The following DNAH10 variants were observed in gnomAD, a reference collection of about 807,000 sequenced individuals.
DNAH10 encodes the protein axonemal beta dynein heavy chain 10.
Under a neutral mutation model 506.6 loss-of-function variants are expected in DNAH10, and 348 were observed. That is an observed-to-expected ratio of 0.69 (90% CI 0.63 to 0.75). The LOEUF (loss-of-function observed/expected upper bound fraction) is 0.75, where lower values mean the gene tolerates loss of function less well. Ranked by LOEUF, DNAH10 falls within the 30% of genes least tolerant of loss-of-function variation. The probability of loss-of-function intolerance (pLI) is 0.00; values close to 1 mark genes in which losing one functional copy is unlikely to be tolerated. For synonymous variants in DNAH10, 2,059 were observed against 2,198.6 expected, an observed-to-expected ratio of 0.94 and a Z score of 1.78; for missense variants, 5,179 against 5,787.1, an observed-to-expected ratio of 0.89 and a Z score of 3.41.
Position 123,884,636 on chromosome 12 carries a change from T to A in DNAH10, c.8824-2506T>A, listed in dbSNP as rs144408480. Among the ~76,000 whole-genome samples the A allele has an allele frequency of 1.8e-4, 27 of 152,246 alleles. No homozygotes were observed. The East Asian group carries it at 5.0e-3, about 28-fold the overall frequency. On this transcript the variant is annotated intron_variant, in intron 51 of 78. Coordinates refer to ENST00000673944, the MANE Select transcript of DNAH10 (RefSeq NM_001372106.1). ...GCTCCACCCTCATCACCTAATCACCTCCTAAAAGCCCAACCTCCAAATACC... is the reference window on the plus strand; with the variant it reads ...GCTCCACCCTCATCACCTAATCACCACCTAAAAGCCCAACCTCCAAATACC...
In DNAH10 at chr12:123,794,118, T is replaced by G; in HGVS notation, c.1986+6T>G. On this transcript the variant is annotated splice_donor_region_variant and intron_variant, in intron 12 of 78. Coordinates refer to ENST00000673944, the MANE Select transcript of DNAH10 (RefSeq NM_001372106.1). ...TTGCACAGTACTGTAAAGAGGTAAT[T>G]GAAAAATCGATAGCTGCCATAGCAT... The G allele has an allele frequency of 8.5e-7, 1 of 1,179,434 alleles. No homozygotes were observed. The highest frequency in any genetic ancestry group is 1.6e-5 in the South Asian group (1 of 62,314). The allele number at this position is 1,179,434 out of a possible 1,614,324, so 73.1% of individuals were successfully genotyped here.
At chr12:123,814,654 G>A (rs890201577) in intron 21 of DNAH10, among the ~76,000 whole-genome samples, 40 of 133,402 alleles carry the variant, frequency 3.0e-4, no homozygotes, top group South Asian at 9.3e-4. Context: ...TCGCTCTGTC[G>A]CCCAGGCTGG....
intron 12 of DNAH10, among the ~76,000 whole-genome samples, chr12:123,795,917 C>T (rs1958258412): frequency 6.6e-6 from 1 of 152,084 alleles, no homozygotes; most frequent in Non-Finnish European, 1.5e-5. Flanking sequence ...GGGATGGACA[C>T]CCCATTCTCC....
At chr12:123,828,347 A>C (rs1011416997) in intron 25 of DNAH10, among the ~76,000 whole-genome samples, 14 of 152,184 alleles carry the variant, frequency 9.2e-5, no homozygotes, top group African/African-American at 3.4e-4. Context: ...GGTTTATTTT[A>C]GAGAAAACAA....
At chr12:123,790,278 A>G (rs531233898) in intron 11 of DNAH10, among the ~76,000 whole-genome samples, 157 bp downstream of exon 11, 113 of 152,334 alleles carry the variant, frequency 7.4e-4, no homozygotes, top group African/African-American at 2.6e-3. Context: ...GCAGAAGTGC[A>G]TAAGGTAAAA....
chr12:123,820,588 C>CT lies in DNAH10; in HGVS notation c.4013dup (p.Leu1338PhefsTer5), dbSNP rs1959288245. 1.9e-6 allele frequency: 3 copies of CT among 1,613,520 alleles called. No homozygotes were observed. Among genetic ancestry groups the CT allele is most frequent in the African/African-American group, 2.7e-5 (2 of 74,830 alleles). ...GTGTATTTATTTACTAGGAGTAGAG[C>CT]TTTTAGGTGTTTATGAAAGAGAGCT... On this transcript the variant is annotated frameshift_variant, in exon 24 of 79. Coordinates refer to ENST00000673944, the MANE Select transcript of DNAH10 (RefSeq NM_001372106.1). LOFTEE classifies it high-confidence loss of function.
At chr12:123,876,072 A>G (rs544403896) in intron 47 of DNAH10, among the ~76,000 whole-genome samples, 11 of 152,186 alleles carry the variant, frequency 7.2e-5, no homozygotes, top group Non-Finnish European at 1.0e-4. Context: ...TTAAACAACC[A>G]TCTTCTGATC....
At chr12:123,799,773 G>A (rs761430567) in intron 14 of DNAH10, among the ~76,000 whole-genome samples, 23 of 152,090 alleles carry the variant, frequency 1.5e-4, no homozygotes, top group Admixed American at 3.9e-4. Context: ...TCTGGGCCCC[G>A]CACTTGGTGA....
chr12:123,767,901 A>G (rs1194133526), intron 2 of DNAH10, among the ~76,000 whole-genome samples: 1 of 152,154 alleles, frequency 6.6e-6, no homozygotes, highest in Admixed American at 6.5e-5. Flanking sequence ...AACAACACAG[A>G]TGTATTCTCT....
chr12:123,828,182 A>T (rs989952642), intron 25 of DNAH10, among the ~76,000 whole-genome samples: 3 of 135,008 alleles, frequency 2.2e-5, no homozygotes, highest in African/African-American at 9.3e-5. Context: ...AGTAATTATT[A>T]AAAAAAAAAA....
intron 16 of DNAH10, 137 bp downstream of exon 16, chr12:123,801,569 G>A (rs1368934936): frequency 2.4e-5 from 27 of 1,118,594 alleles, no homozygotes; most frequent in Non-Finnish European, 3.2e-5. Flanking sequence ...AATACAAGTT[G>A]CGGAACTTAG....
chr12:123,788,093 C>T (rs956857459), intron 10 of DNAH10, 91 bp downstream of exon 10: 26 of 1,434,168 alleles, frequency 1.8e-5, no homozygotes, highest in African/African-American at 5.7e-5. Context: ...AGGAGCTGGG[C>T]GTCAGAAAGG....
intron 18 of DNAH10, among the ~76,000 whole-genome samples, chr12:123,807,126 A>G (rs1007964775): frequency 6.6e-6 from 1 of 151,884 alleles, no homozygotes; most frequent in Non-Finnish European, 1.5e-5. Context: ...TCATCCATCC[A>G]TCCATCATCC....
rs958351313 is a variant in DNAH10 at position 123,916,293 on chromosome 12, A to T, written c.10723-164A>T. Among the ~76,000 whole-genome samples the T allele has an allele frequency of 3.9e-5, 6 of 152,126 alleles. No homozygotes were observed. Among genetic ancestry groups the T allele is most frequent in the Admixed American group, 3.3e-4 (5 of 15,282 alleles). On this transcript the variant is annotated intron_variant, in intron 62 of 78. Coordinates refer to ENST00000673944, the MANE Select transcript of DNAH10 (RefSeq NM_001372106.1). The surrounding 1 kb of genome is among the most constrained non-coding windows in gnomAD (Gnocchi z 4.6). ...AGATCCTGCCCTGAGCCTGGACCTC[A>T]TGGTGTATATGCGTTATACCCCTTG...
At chr12:123,770,419 C>G (rs1957207128) in intron 2 of DNAH10, among the ~76,000 whole-genome samples, 1 of 150,972 alleles carries the variant, frequency 6.6e-6, no homozygotes, top group South Asian at 2.1e-4. Flanking sequence ...AGAGACTACT[C>G]TAATGCTGTT....
intron 49 of DNAH10, 108 bp from the exon 50 acceptor site, chr12:123,879,526 A>T (rs556378800): frequency 7.4e-5 from 113 of 1,528,590 alleles, no homozygotes; most frequent in Non-Finnish European, 9.4e-5. Context: ...CTGAAAAAAA[A>T]TAGAACGCAA....
chr12:123,773,515 G>A (rs1456133903), intron 4 of DNAH10, among the ~76,000 whole-genome samples: 2 of 152,198 alleles, frequency 1.3e-5, no homozygotes, highest in African/African-American at 2.4e-5. Context: ...AGGCTGGGGG[G>A]CTTCACCAAC....
chr12:123,804,523 G>A (rs1309825530), intron 17 of DNAH10, among the ~76,000 whole-genome samples: 3 of 142,310 alleles, frequency 2.1e-5, no homozygotes, highest in Non-Finnish European at 4.5e-5. Context: ...GTGAGACTCC[G>A]TCTCAAAAAA....
chr12:123,863,553 T>G (rs1301615810), intron 39 of DNAH10, among the ~76,000 whole-genome samples: 2 of 152,236 alleles, frequency 1.3e-5, no homozygotes, highest in African/African-American at 4.8e-5. Context: ...CTCTTCTGCT[T>G]CTGGTGGTTC....
Sources: gnomAD v4.1 joint callset for allele counts (sites outside exome capture counted in the v4.1 genomes callset) on GRCh38, gnomAD v4.1.1 for gene constraint, Gnocchi (gnomAD v3.1) non-coding constraint, MANE v1.5 for transcripts, NCBI Gene and HGNC (gene_info 2026-07-23, HGNC 2026-07-21) for gene names.